The following SSH1 variants were observed in gnomAD, a reference collection of about 807,000 sequenced individuals.
SSH1 encodes slingshot protein phosphatase 1.
SSH1 carries 43 observed loss-of-function variants against 79.7 expected under a neutral mutation model. The ratio of observed to expected loss-of-function variants is 0.54; its 90% CI spans 0.42 to 0.70. The LOEUF (loss-of-function observed/expected upper bound fraction) is 0.70. SSH1 is among the 30% of genes least tolerant of loss of function. SSH1 has a pLI of 0.00. For synonymous variants in SSH1, 599 were observed against 538.3 expected, an observed-to-expected ratio of 1.11 and a Z score of -1.56; for missense variants, 1,206 against 1,358.8, an observed-to-expected ratio of 0.89 and a Z score of 1.77.
chr12:108,791,889 G>A (rs2036516994), intron 14 of SSH1: 1 of 1,243,094 alleles, frequency 8.0e-7, no homozygotes, highest in Non-Finnish European at 1.0e-6. Context: ...GGGGTGAGAT[G>A]AAAAAGAATA....
chr12:108,852,718 C>T, intron 1 of SSH1, 40 bp from the exon 2 acceptor site: 1 of 1,613,758 alleles, frequency 6.2e-7, no homozygotes, highest in East Asian at 2.2e-5. Flanking sequence ...ACAGGCACCA[C>T]TGTCAACACG....
chr12:108,822,859 T>C (rs1345546239), intron 3 of SSH1, among the ~76,000 whole-genome samples: 1 of 152,356 alleles, frequency 6.6e-6, no homozygotes, highest in South Asian at 2.1e-4. Flanking sequence ...TTTCAAATGC[T>C]TGGAGAAATC....
Position 108,781,120 on chromosome 12 carries a change from G to A in SSH1, c.*6868C>T, listed in dbSNP as rs1292240742. 6.6e-6 allele frequency: 1 copy of A among 151,254 alleles called. No homozygotes were observed. The highest frequency in any genetic ancestry group is 1.5e-5 in the Non-Finnish European group (1 of 67,862). 9.4% of individuals were successfully genotyped at this position (151,254 alleles called of 1,614,324 possible). On this transcript the variant is annotated 3_prime_UTR_variant, in exon 15 of 15. Coordinates refer to ENST00000326495, the MANE Select transcript of SSH1 (RefSeq NM_018984.4). ...CTTAACCAAAATTTGGCACCCCATA[G>A]AGATTTACCTAGAAGGGGCTGGGCA...
intron 3 of SSH1, among the ~76,000 whole-genome samples, chr12:108,823,001 C>G (rs2038180086): frequency 6.6e-6 from 1 of 152,244 alleles, no homozygotes; most frequent in Admixed American, 6.5e-5. Context: ...TGATAAACTA[C>G]AGAGAGGAAA....
Position 108,786,695 on chromosome 12 carries a change from A to G in SSH1, c.*1293T>C, listed in dbSNP as rs548307708. ...CCAGGCCCTGTCTTAAAGAGGAAAA[A>G]CCATTCCTAGCTCACGGGGCCACAT... On this transcript the variant is annotated 3_prime_UTR_variant, in exon 15 of 15. Coordinates refer to ENST00000326495, the MANE Select transcript of SSH1 (RefSeq NM_018984.4). 1.1e-4 allele frequency: 16 copies of G among 152,180 alleles called. No individual in the cohort carries two copies. Among genetic ancestry groups the G allele is most frequent in the African/African-American group, 3.6e-4 (15 of 41,510 alleles). 9.4% of individuals were successfully genotyped at this position (152,180 alleles called of 1,614,324 possible).
intron 2 of SSH1, chr12:108,827,329 G>C: frequency 6.4e-7 from 1 of 1,550,598 alleles, no homozygotes; most frequent in Non-Finnish European, 8.7e-7. Flanking sequence ...GCAGAAGTCG[G>C]TAAAATAAAA....
rs1325757921 is a variant in SSH1 at position 108,779,440 on chromosome 12, T to C, written c.*8548A>G. The C allele has an allele frequency of 2.0e-5, 3 of 152,186 alleles. No homozygotes were observed. The highest frequency in any genetic ancestry group is 4.4e-5 in the Non-Finnish European group (3 of 68,032). 9.4% of individuals were successfully genotyped at this position (152,186 alleles called of 1,614,324 possible). On this transcript the variant is annotated 3_prime_UTR_variant, in exon 15 of 15. Coordinates refer to ENST00000326495, the MANE Select transcript of SSH1 (RefSeq NM_018984.4). ...TCAAGATGCATCTTTGTCTGGCTTC[T>C]TTCTACTTCTGGGGTGGGAGAGACA...
At position 108,778,769 on chromosome 12, in the gene SSH1, T is replaced by G. The variant is rs74604658; in HGVS notation, c.*9219A>C. ...ACCACCACCACCACCACCACCACAATGTACCATTTGTGGGATAATTTGTCT... is the reference window on the plus strand; with the variant it reads ...ACCACCACCACCACCACCACCACAAGGTACCATTTGTGGGATAATTTGTCT... On this transcript the variant is annotated 3_prime_UTR_variant, in exon 15 of 15. Transcript: ENST00000326495. 1,635 of 153,260 alleles carry G rather than the reference T, an allele frequency of 0.011. 28 individuals carry two copies. The highest frequency in any genetic ancestry group is 0.037 in the African/African-American group (1,519 of 41,406). The allele number at this position is 153,260 out of a possible 1,614,324, so 9.5% of individuals were successfully genotyped here. A position where few individuals can be genotyped will look rare whatever the true frequency, so the allele number is the denominator to read the frequency against.
At chr12:108,850,469 G>A (rs1473611984) in intron 2 of SSH1, among the ~76,000 whole-genome samples, 2 of 24,276 alleles carry the variant, frequency 8.2e-5, no homozygotes, top group Non-Finnish European at 1.7e-4. Context: ...AGAGGATCTA[G>A]GGAGGGGAGC....
chr12:108,790,358 C>G (rs2036451181), intron 14 of SSH1, among the ~76,000 whole-genome samples: 1 of 152,326 alleles, frequency 6.6e-6, no homozygotes, highest in African/African-American at 2.4e-5. Flanking sequence ...CCATGTTGGT[C>G]AGACTGGTCT....
At chr12:108,813,280 G>A (rs1297202583) in intron 5 of SSH1, among the ~76,000 whole-genome samples, 1 of 152,198 alleles carries the variant, frequency 6.6e-6, no homozygotes, top group African/African-American at 2.4e-5. Context: ...GAACAGAGAA[G>A]CCAGATGGGT....
chr12:108,820,973 G>T (rs1357304662), intron 3 of SSH1, among the ~76,000 whole-genome samples: 2 of 152,224 alleles, frequency 1.3e-5, no homozygotes, highest in Non-Finnish European at 2.9e-5. Context: ...GAGGAAGGAG[G>T]TATCTGACAC....
rs540186542 is a variant in SSH1, at chr12:108,807,768, G to A, written c.596C>T (p.Pro199Leu). The change falls in exon 8 of 15, where the codon CCC becomes CTC. Residue 199 changes from proline (P) to leucine (L), a missense_variant. Physicochemically the swap from Pro to Leu is moderately conservative, Grantham distance 98 (BLOSUM62 -3). Coordinates refer to ENST00000326495, the MANE Select transcript of SSH1 (RefSeq NM_018984.4). The surrounding 1 kb of genome is among the most constrained non-coding windows in gnomAD (Gnocchi z 5.2). ...AGCCCAGATGAGAGCTACACCCCCGGGGAAGTAGTTGTGCCTCCGGGCCAC... is the reference window on the plus strand; with the variant it reads ...AGCCCAGATGAGAGCTACACCCCCGAGGAAGTAGTTGTGCCTCCGGGCCAC... ...CEVARRHNYF[P>L]GGVALIWATY... 2.9e-4 allele frequency: 473 copies of A among 1,613,876 alleles called. 2 individuals carry two copies. In the South Asian group the frequency reaches 4.9e-3, roughly 17 times the overall value.
Position 108,788,757 on chromosome 12 carries a change from C to G in SSH1, c.2381G>C (p.Ser794Thr), listed in dbSNP as rs746199645. 1 of 1,614,268 alleles carries G rather than the reference C, an allele frequency of 6.2e-7. No individual in the cohort carries two copies. ...KPAKDLRLLF[S>T]NESEKPTTNS... ...GGTTGTCGGCTTCTCAGATTCATTA[C>G]TGAACAGAAGCCTCAGGTCCTTGGC... Residue 794 changes from serine (S) to threonine (T), a missense_variant, in exon 15 of 15, where the codon AGT becomes ACT. By Grantham distance (58) the Ser-to-Thr change is moderately conservative (BLOSUM62 1). Transcript: ENST00000326495.
rs143965954 is a variant in SSH1, at chr12:108,788,073, G to A, written c.3065C>T (p.Pro1022Leu). The A allele has an allele frequency of 1.0e-4, 169 of 1,614,064 alleles. No homozygotes were observed. In the African/African-American group the frequency reaches 1.7e-3, roughly 17 times the overall value. ...SSFLHEPQGT[P>L]RDPAATSKPS... ...TTTGGAGGTTGCAGCTGGGTCCCTC[G>A]GGGTTCCCTGGGGCTCATGCAAGAA... is the stretch of plus-strand genomic sequence containing the variant. The change falls in exon 15 of 15, where the codon CCG becomes CTG. Residue 1022 changes from proline (P) to leucine (L), a missense_variant. Around this residue, in one of 5 missense-constraint regions of SSH1, gnomAD observed 709 missense variants for 730.6 expected, o/e 0.97. Coordinates refer to ENST00000326495, the MANE Select transcript of SSH1 (RefSeq NM_018984.4).
intron 2 of SSH1, among the ~76,000 whole-genome samples, chr12:108,839,850 G>A (rs143322759): frequency 3.3e-5 from 5 of 152,248 alleles, no homozygotes; most frequent in African/African-American, 9.6e-5. Context: ...GAACAAGTGC[G>A]GCAGGAAGGG....
intron 13 of SSH1, 100 bp downstream of exon 13, chr12:108,798,900 G>A (rs898742361): frequency 3.5e-6 from 5 of 1,414,152 alleles, no homozygotes; most frequent in Non-Finnish European, 3.9e-6. Context: ...CTGCTGGGCC[G>A]AATGGGAGCA....
At chr12:108,799,660 C>G (rs562376753) in intron 12 of SSH1, among the ~76,000 whole-genome samples, 4 of 152,262 alleles carry the variant, frequency 2.6e-5, no homozygotes, top group African/African-American at 9.6e-5. Context: ...AAAATGGGGT[C>G]AGCAAACTGA....
chr12:108,802,619 G>C (rs2037066166), intron 10 of SSH1, among the ~76,000 whole-genome samples: 1 of 152,148 alleles, frequency 6.6e-6, no homozygotes, highest in Non-Finnish European at 1.5e-5. Context: ...TGGCCTTAGG[G>C]AAACAGCAAG....
Sources: gnomAD v4.1 joint callset for allele counts (sites outside exome capture counted in the v4.1 genomes callset) on GRCh38, gnomAD v4.1.1 for gene constraint, gnomAD v4.1.1 regional missense constraint, Gnocchi (gnomAD v3.1) non-coding constraint, MANE v1.5 for transcripts, NCBI Gene and HGNC (gene_info 2026-07-23, HGNC 2026-07-21) for gene names.